The following SMG7 variants were observed in gnomAD, a reference collection of about 807,000 sequenced individuals.
The protein encoded by SMG7 is nonsense-mediated mRNA decay factor SMG7.
In SMG7, 34 loss-of-function variants were observed where a neutral mutation model predicts 148.2. That is an observed-to-expected ratio of 0.23 (90% CI 0.17 to 0.31). The LOEUF is 0.31. Among genes scored for constraint, SMG7 ranks in the 10% least tolerant of loss-of-function variants. SMG7 has a pLI of 1.00. For synonymous variants in SMG7, 492 were observed against 515.1 expected (o/e 0.96, Z 0.61); for missense variants, 1,114 against 1,408.4 (o/e 0.79, Z 3.35).
intron 1 of SMG7, among the ~76,000 whole-genome samples, chr1:183,474,642 A>G (rs1459832937): frequency 6.6e-6 from 1 of 152,246 alleles, no homozygotes; most frequent in South Asian, 2.1e-4. Flanking sequence ...CACCTGAGCA[A>G]TGGGAGGAAA....
At chr1:183,545,463 A>T (rs1669760831) in intron 16 of SMG7, 151 bp downstream of exon 16, 2 of 911,810 alleles carry the variant, frequency 2.2e-6, no homozygotes, top group Non-Finnish European at 1.6e-6. Flanking sequence ...TCTACTGTTT[A>T]TGAAAGTTCA....
chr1:183,551,717 TG>T, intron 22 of SMG7, 100 bp from the exon 23 acceptor site: 2 of 804,858 alleles, frequency 2.5e-6, no homozygotes, highest in Non-Finnish European at 3.6e-6. Context: ...GGTTGGGTTT[TG>T]GGGCCATATA....
chr1:183,524,268 T>C (rs1665380160), intron 4 of SMG7, among the ~76,000 whole-genome samples: 1 of 152,032 alleles, frequency 6.6e-6, no homozygotes, highest in African/African-American at 2.4e-5. Flanking sequence ...TTTCACTTTA[T>C]TTTCATTTTT....
At chr1:183,476,110 A>G (rs1426870104) in intron 1 of SMG7, among the ~76,000 whole-genome samples, 1 of 152,192 alleles carries the variant, frequency 6.6e-6, no homozygotes, top group Non-Finnish European at 1.5e-5. Context: ...TTAGATAATC[A>G]TTCCATTTAA....
chr1:183,531,367 ATT>A (rs1485396329), intron 8 of SMG7, among the ~76,000 whole-genome samples: 1 of 152,114 alleles, frequency 6.6e-6, no homozygotes, highest in East Asian at 1.9e-4. Context: ...ATTTCAGTAT[ATT>A]TCTCAACTGT....
intron 19 of SMG7, 104 bp from the exon 20 acceptor site, chr1:183,549,660 T>A: frequency 1.1e-6 from 1 of 873,686 alleles, no homozygotes; most frequent in Non-Finnish European, 1.8e-6. Context: ...TTTCTCTTCC[T>A]AAGAAAAGCT....
chr1:183,551,519 T>C (rs549889437), intron 22 of SMG7, among the ~76,000 whole-genome samples: 1 of 152,342 alleles, frequency 6.6e-6, no homozygotes, highest in East Asian at 1.9e-4. Flanking sequence ...TTTAGAAATG[T>C]TTTATTTGCC....
At chr1:183,537,814 A>ACTT (rs1184438042) in intron 11 of SMG7, among the ~76,000 whole-genome samples, 4 of 152,160 alleles carry the variant, frequency 2.6e-5, no homozygotes, top group African/African-American at 4.8e-5. Flanking sequence ...CTATTTACGC[A>ACTT]CTTTCTGTTG....
At chr1:183,505,386 A>G (rs1660678583) in intron 1 of SMG7, among the ~76,000 whole-genome samples, 3 of 150,448 alleles carry the variant, frequency 2.0e-5, no homozygotes, top group Non-Finnish European at 4.4e-5. Flanking sequence ...TATTTTCTAT[A>G]CTCCACTCTT....
chr1:183,550,738 T>C lies in SMG7; in HGVS notation c.3134-13T>C, dbSNP rs1423208697. On this transcript the variant is annotated splice_polypyrimidine_tract_variant and intron_variant, in intron 20 of 22. Transcript: ENST00000688051. ...AATGATTTACTATATCCTGTGTTGCTATTATTTAATAGATCATTCAACACC... is the reference window on the plus strand; with the variant it reads ...AATGATTTACTATATCCTGTGTTGCCATTATTTAATAGATCATTCAACACC... The C allele has an allele frequency of 2.5e-6, 4 of 1,612,908 alleles. No homozygotes were observed. The highest frequency in any genetic ancestry group is 3.4e-6 in the Non-Finnish European group (4 of 1,179,078).
At chr1:183,533,905 C>A in intron 10 of SMG7, 73 bp downstream of exon 10, 3 of 1,294,594 alleles carry the variant, frequency 2.3e-6, no homozygotes, top group Non-Finnish European at 3.3e-6. Flanking sequence ...GTAAAAACTG[C>A]CTTCTAAAAT....
intron 1 of SMG7, among the ~76,000 whole-genome samples, chr1:183,486,538 G>A (rs1297286176): frequency 2.0e-5 from 3 of 152,186 alleles, no homozygotes; most frequent in Non-Finnish European, 4.4e-5. Flanking sequence ...AGCCTGCTGA[G>A]TAGCTGGGAT....
intron 12 of SMG7, among the ~76,000 whole-genome samples, chr1:183,539,027 A>G (rs906013355): frequency 2.0e-5 from 3 of 151,878 alleles, no homozygotes; most frequent in Admixed American, 6.6e-5. Flanking sequence ...GCGGGTGCCT[A>G]TAGTCCCAGC....
chr1:183,483,489 AT>A (rs1424636965), intron 1 of SMG7, among the ~76,000 whole-genome samples: 1 of 152,052 alleles, frequency 6.6e-6, no homozygotes, highest in Non-Finnish European at 1.5e-5. Flanking sequence ...CTTACTTGAA[AT>A]TTTTTTTATT....
chr1:183,495,063 A>G (rs974277688), intron 1 of SMG7, among the ~76,000 whole-genome samples: 4 of 151,984 alleles, frequency 2.6e-5, no homozygotes, highest in Non-Finnish European at 4.4e-5. Flanking sequence ...TCCTGACCTC[A>G]TGATCCATCC....
In SMG7 at chr1:183,552,905, C is replaced by T; in HGVS notation, c.*974C>T. 1 of 1,483,892 alleles carries T rather than the reference C, an allele frequency of 6.7e-7. No individual in the cohort carries two copies. The allele number at this position is 1,483,892 out of a possible 1,614,324, so 91.9% of individuals were successfully genotyped here. A position where few individuals can be genotyped will look rare whatever the true frequency, so the allele number is the denominator to read the frequency against. ...CCACCCTCCTGCCCCATCTCCATCCCTTCTTTTACCCAATGCTGTATGCTA... is the reference window on the plus strand; with the variant it reads ...CCACCCTCCTGCCCCATCTCCATCCTTTCTTTTACCCAATGCTGTATGCTA... On this transcript the variant is annotated 3_prime_UTR_variant, in exon 23 of 23. Transcript: ENST00000688051.
rs533905271 is a variant in SMG7 at position 183,549,148 on chromosome 1, G to C, written c.2893-60G>C. 8.6e-6 allele frequency: 11 copies of C among 1,282,752 alleles called. No individual in the cohort carries two copies. The South Asian group carries it at 9.7e-5, about 11-fold the overall frequency. 79.5% of individuals were successfully genotyped at this position (1,282,752 alleles called of 1,614,324 possible). The stretch of plus-strand genomic sequence containing the variant: ...TTGCTTTGGTTCCATAGTATGGTAA[G>C]ATTAATATTAAGAAAATAGAAGGTA... On this transcript the variant is annotated intron_variant, in intron 18 of 22. Coordinates refer to ENST00000688051, the MANE Select transcript of SMG7 (RefSeq NM_001375584.1).
At chr1:183,505,145 C>A (rs534845422) in intron 1 of SMG7, among the ~76,000 whole-genome samples, 9 of 152,054 alleles carry the variant, frequency 5.9e-5, no homozygotes, top group Non-Finnish European at 1.2e-4. Flanking sequence ...TTCTGTTTAG[C>A]CGTGGCCTCC....
rs1450436735 is a variant in SMG7, at chr1:183,544,629, T to C, written c.1987+132T>C. Reference sequence around the variant, plus strand: ...AAAGTTCTATTTTCCCTAATACTTATAAAATTATTTTTGAACTGTTTGTGT... The same window carrying C: ...AAAGTTCTATTTTCCCTAATACTTACAAAATTATTTTTGAACTGTTTGTGT... On this transcript the variant is annotated intron_variant, in intron 15 of 22. Transcript: ENST00000688051. 16 of 968,164 alleles carry C rather than the reference T, an allele frequency of 1.7e-5. No homozygotes were observed. In the South Asian group the frequency reaches 2.1e-4, roughly 13 times the overall value. The allele number at this position is 968,164 out of a possible 1,614,324, so 60.0% of individuals were successfully genotyped here.
Sources: allele counts gnomAD v4.1 joint callset (sites outside exome capture counted in the v4.1 genomes callset), GRCh38; gene constraint gnomAD v4.1.1; transcripts MANE v1.5; gene names NCBI Gene and HGNC (gene_info 2026-07-23, HGNC 2026-07-21).